The following SPACA6 variants were observed in gnomAD, a reference collection of about 807,000 sequenced individuals.
The protein encoded by SPACA6 is sperm acrosome associated 6, also known as sperm acrosome membrane-associated protein 6.
For missense variants in SPACA6, 8 were observed against 2.8 expected (o/e 2.88, Z -1.34); for synonymous variants, 6 against 1.5 (o/e 4.05, Z -2.21).
downstream of SPACA6, among the ~76,000 whole-genome samples, chr19:51,708,318 A>G (rs1305752926): frequency 6.6e-6 from 1 of 152,100 alleles, no homozygotes; most frequent in Non-Finnish European, 1.5e-5. Context: ...GACAAACACC[A>G]AATATGTATT....
At chr19:51,709,908 A>G (rs1004516389), downstream of SPACA6, among the ~76,000 whole-genome samples, 3 of 152,182 alleles carry the variant, frequency 2.0e-5, no homozygotes, top group Non-Finnish European at 4.4e-5. Context: ...GGCCAAGAGT[A>G]ACCACAGTGG....
At position 51,703,144 on chromosome 19, in the gene SPACA6, G is replaced by A. The variant is rs1395877045; in HGVS notation, c.463+46G>A. ...GGTGCAGGAGGCCAACCTGAGAAAA[G>A]GGACCAGAGCACCGAGGGGCATAAG... On this transcript the variant is annotated intron_variant, in intron 5 of 8. Transcript: ENST00000637797. The surrounding 1 kb of genome is among the most constrained non-coding windows in gnomAD (Gnocchi z 4.2). The A allele has an allele frequency of 7.5e-6, 3 of 399,636 alleles. No individual in the cohort carries two copies. The highest frequency in any genetic ancestry group is 1.3e-5 in the Non-Finnish European group (3 of 226,584). 24.8% of individuals were successfully genotyped at this position (399,636 alleles called of 1,614,324 possible). A position where few individuals can be genotyped will look rare whatever the true frequency, so the allele number is the denominator to read the frequency against.
chr19:51,686,450 T>A (rs528801077), upstream of SPACA6: 120 of 152,312 alleles, frequency 7.9e-4, no homozygotes, highest in African/African-American at 2.8e-3. Context: ...GACTGTGATG[T>A]GGTGCCTGTC....
chr19:51,705,056 C>G (rs985970962), intron 8 of SPACA6, 34 bp from the exon 9 acceptor site: 1 of 400,928 alleles, frequency 2.5e-6, no homozygotes, highest in Non-Finnish European at 4.4e-6. Flanking sequence ...TCACCAACCC[C>G]TCCTGTAACA....
At chr19:51,690,906 T>TG (rs894845494), upstream of SPACA6, among the ~76,000 whole-genome samples, 20 of 128,982 alleles carry the variant, frequency 1.6e-4, no homozygotes, top group Non-Finnish European at 2.2e-4. Flanking sequence ...CAGGTTGGTG[T>TG]GGGGGGGTGG....
intron 8 of SPACA6, chr19:51,704,837 CA>C: frequency 2.9e-6 from 1 of 343,640 alleles, no homozygotes; most frequent in Non-Finnish European, 5.0e-6. Flanking sequence ...TCCAAGAGTC[CA>C]AGCCCCCGGA....
chr19:51,700,629 A>G (rs988313640), intron 2 of SPACA6, among the ~76,000 whole-genome samples: 5 of 152,208 alleles, frequency 3.3e-5, no homozygotes, highest in Non-Finnish European at 7.3e-5. Flanking sequence ...TTGTACAAAT[A>G]CTTACTGAGC....
At chr19:51,710,489 C>T (rs1451364350) in intron 2 of SPACA6, among the ~76,000 whole-genome samples, 3 of 152,084 alleles carry the variant, frequency 2.0e-5, no homozygotes, top group Non-Finnish European at 4.4e-5. Flanking sequence ...GCAGGTTTCA[C>T]GGGGATTAGC....
chr19:51,692,596 C>T (rs543867276), upstream of SPACA6: 13 of 521,270 alleles, frequency 2.5e-5, no homozygotes, highest in South Asian at 1.1e-4. The surrounding 1 kb of genome is among the most constrained non-coding windows in gnomAD (Gnocchi z 5.6). Flanking sequence ...GCCGGGGGCC[C>T]GGACTCCTGG....
At chr19:51,689,723 C>T (rs1381083390), upstream of SPACA6, 1 of 151,122 alleles carries the variant, frequency 6.6e-6, no homozygotes, top group African/African-American at 2.4e-5. Flanking sequence ...GGAGCCCAGA[C>T]TCCTGAATCC....
At chr19:51,686,360 A>C (rs925155929), upstream of SPACA6, 2 of 152,238 alleles carry the variant, frequency 1.3e-5, no homozygotes, top group African/African-American at 4.8e-5. Context: ...ACTCAGACCC[A>C]GACTGTGCCC....
chr19:51,698,580 A>T (rs2083446707), intron 2 of SPACA6, among the ~76,000 whole-genome samples: 1 of 152,068 alleles, frequency 6.6e-6, no homozygotes, highest in African/African-American at 2.4e-5. Flanking sequence ...CCATCTTGAG[A>T]CCACACTCCT....
chr19:51,696,837 GA>G (rs1384935707), intron 2 of SPACA6, among the ~76,000 whole-genome samples: 1 of 152,148 alleles, frequency 6.6e-6, no homozygotes, highest in Non-Finnish European at 1.5e-5. Flanking sequence ...CAGTGACAGC[GA>G]CAGCCATGCA....
upstream of SPACA6, chr19:51,692,533 C>A: frequency 2.2e-6 from 1 of 464,094 alleles, no homozygotes; most frequent in Non-Finnish European, 4.3e-6. This position sits in a 1 kb window ranked among gnomAD's most constrained non-coding sequence, Gnocchi z 5.6. Context: ...TCCAGGGTCC[C>A]TGATGAGGAA....
At chr19:51,708,904 G>T (rs908016366), downstream of SPACA6, among the ~76,000 whole-genome samples, 1 of 151,782 alleles carries the variant, frequency 6.6e-6, no homozygotes, top group Admixed American at 6.6e-5. Context: ...AAAGGGAAAA[G>T]CCCTGAGGCA....
chr19:51,694,425 T>C, intron 1 of SPACA6, 53 bp from the exon 2 acceptor site: 1 of 398,184 alleles, frequency 2.5e-6, no homozygotes, highest in Non-Finnish European at 4.4e-6. Flanking sequence ...ATTAGGGACA[T>C]GGTGTTGCGG....
At chr19:51,705,385 C>T (rs377358799), downstream of SPACA6, 314 of 331,134 alleles carry the variant, frequency 9.5e-4, 5 homozygotes, top group South Asian at 0.021. Flanking sequence ...GCAGAAGGCA[C>T]CCTCAAATAG....
downstream of SPACA6, among the ~76,000 whole-genome samples, chr19:51,712,932 C>A (rs1192008856): frequency 3.9e-5 from 6 of 151,994 alleles, no homozygotes; most frequent in Non-Finnish European, 8.8e-5. Flanking sequence ...GTAATTTAAC[C>A]CTCACACCAA....
upstream of SPACA6, among the ~76,000 whole-genome samples, chr19:51,689,920 G>A (rs2083354935): frequency 6.6e-6 from 1 of 151,606 alleles, no homozygotes; most frequent in Non-Finnish European, 1.5e-5. Flanking sequence ...TGGAGTGCCT[G>A]CGGCAGCGGA....
Sources: allele counts gnomAD v4.1 joint callset (sites outside exome capture counted in the v4.1 genomes callset), GRCh38; gene constraint gnomAD v4.1.1; non-coding constraint Gnocchi (gnomAD v3.1); transcripts MANE v1.5; gene names NCBI Gene and HGNC (gene_info 2026-07-23, HGNC 2026-07-21).